Variants in RIN3 observed in about 807,000 individuals in gnomAD.
The protein encoded by RIN3 is RAB5 interacting protein 3.
In RIN3, 54 loss-of-function variants were observed where a neutral mutation model predicts 76.3. That is an observed-to-expected ratio of 0.71 (90% CI 0.57 to 0.89). The LOEUF is 0.89. Among genes scored for constraint, RIN3 ranks in the 40% least tolerant of loss-of-function variants. The pLI is 0.00. For missense variants in RIN3, 1,256 were observed against 1,322.1 expected (o/e 0.95, Z 0.78); for synonymous variants, 576 against 564.0 (o/e 1.02, Z -0.30).
intron 3 of RIN3, among the ~76,000 whole-genome samples, chr14:92,611,195 T>C (rs1053119356): frequency 1.3e-5 from 2 of 152,212 alleles, no homozygotes; most frequent in African/African-American, 4.8e-5. Flanking sequence ...ATCTTTGGCA[T>C]TCCTTGGCTG....
intron 3 of RIN3, among the ~76,000 whole-genome samples, chr14:92,597,536 G>T (rs1566860550): frequency 6.6e-6 from 1 of 152,202 alleles, no homozygotes; most frequent in Non-Finnish European, 1.5e-5. Flanking sequence ...TTACTAGCTG[G>T]TTGAACTTGG....
intron 1 of RIN3, among the ~76,000 whole-genome samples, chr14:92,550,375 C>T (rs373811002): frequency 4.1e-4 from 62 of 152,184 alleles, no homozygotes; most frequent in African/African-American, 1.3e-3. Context: ...AAGACAATTA[C>T]GTTGTTTTTA....
At position 92,568,417 on chromosome 14, in the gene RIN3, T is replaced by C. The variant is rs1363150990; in HGVS notation, c.250-8943T>C. On this transcript the variant is annotated intron_variant, in intron 2 of 9. Coordinates refer to ENST00000216487, the MANE Select transcript of RIN3 (RefSeq NM_024832.5). The surrounding 1 kb of genome is among the most constrained non-coding windows in gnomAD (Gnocchi z 4.2). ...AGATTTAAGCTGAGATAATTCACCA[T>C]AATCTAAAATGTTCTTCAGGCATCA... 2.0e-5 allele frequency among the ~76,000 whole-genome samples: 3 copies of C among 152,204 alleles called. No individual in the cohort carries two copies. Among genetic ancestry groups the C allele is most frequent in the Non-Finnish European group, 4.4e-5 (3 of 68,038 alleles).
chr14:92,568,711 G>T lies in RIN3; in HGVS notation c.250-8649G>T, dbSNP rs186126541. 1.8e-3 allele frequency among the ~76,000 whole-genome samples: 269 copies of T among 152,336 alleles called. No homozygotes were observed. The highest frequency in any genetic ancestry group is 6.3e-3 in the African/African-American group (260 of 41,570). On this transcript the variant is annotated intron_variant, in intron 2 of 9. Transcript: ENST00000216487. The surrounding 1 kb of genome is among the most constrained non-coding windows in gnomAD (Gnocchi z 4.2). ...GTCCGTCCCTGCCCCACTCTCCATCGTGAACTCACAGCCTCCAGCCTCCTC... is the reference window on the plus strand; with the variant it reads ...GTCCGTCCCTGCCCCACTCTCCATCTTGAACTCACAGCCTCCAGCCTCCTC...
chr14:92,513,885 G>C lies in RIN3; in HGVS notation c.-48G>C. On this transcript the variant is annotated 5_prime_UTR_variant, in exon 1 of 10. Coordinates refer to ENST00000216487, the MANE Select transcript of RIN3 (RefSeq NM_024832.5). ...CGCCCGGGACTCCGCGTTCCGCGCG[G>C]CCCGGCGCCTGAGCGCCTCCGTTCC... 1 of 1,244,424 alleles carries C rather than the reference G, an allele frequency of 8.0e-7. No individual in the cohort carries two copies. 77.1% of individuals were successfully genotyped at this position (1,244,424 alleles called of 1,614,324 possible).
intron 7 of RIN3, among the ~76,000 whole-genome samples, chr14:92,662,738 A>G (rs925835038): frequency 1.3e-5 from 2 of 152,176 alleles, no homozygotes; most frequent in African/African-American, 4.8e-5. Context: ...GGAAGGGGCA[A>G]TTCCATTCTC....
At chr14:92,522,890 CCTT>C in intron 1 of RIN3, among the ~76,000 whole-genome samples, 1 of 152,162 alleles carries the variant, frequency 6.6e-6, no homozygotes, top group Admixed American at 6.5e-5. Flanking sequence ...ATGGGGGTGT[CCTT>C]CTCTCCTTTC....
intron 4 of RIN3, among the ~76,000 whole-genome samples, chr14:92,633,522 A>C (rs4904964): frequency 0.37 from 56,938 of 152,036 alleles, 11,493 homozygotes; most frequent in African/African-American, 0.53. Flanking sequence ...AAGCTCTGAT[A>C]TATAGCCGGC....
intron 1 of RIN3, among the ~76,000 whole-genome samples, chr14:92,520,715 C>T (rs1013251341): frequency 2.6e-5 from 4 of 152,152 alleles, no homozygotes. Flanking sequence ...CTTCTTCACC[C>T]ATCTTCACGG....
At chr14:92,525,040 G>C (rs1226927493) in intron 1 of RIN3, among the ~76,000 whole-genome samples, 2 of 152,250 alleles carry the variant, frequency 1.3e-5, no homozygotes, top group African/African-American at 4.8e-5. Context: ...CCGTTGCGCA[G>C]GTTGTTTACT....
intron 3 of RIN3, among the ~76,000 whole-genome samples, chr14:92,600,841 G>A (rs1294473177): frequency 6.6e-6 from 1 of 152,104 alleles, no homozygotes; most frequent in East Asian, 1.9e-4. Context: ...AGTATCCCCG[G>A]GCTCTGTCCA....
At chr14:92,579,771 G>T (rs1241470420) in intron 3 of RIN3, among the ~76,000 whole-genome samples, 1 of 152,276 alleles carries the variant, frequency 6.6e-6, no homozygotes, top group African/African-American at 2.4e-5. Flanking sequence ...CTCCAAGTCT[G>T]GTTGGAGGGT....
chr14:92,630,035 C>T (rs1162793925), intron 4 of RIN3, among the ~76,000 whole-genome samples: 2 of 152,230 alleles, frequency 1.3e-5, no homozygotes, highest in Non-Finnish European at 2.9e-5. Flanking sequence ...CAGTGTTTGG[C>T]ACATGTTAGG....
At chr14:92,548,513 A>G (rs1007326448) in intron 1 of RIN3, among the ~76,000 whole-genome samples, 3 of 152,204 alleles carry the variant, frequency 2.0e-5, no homozygotes, top group African/African-American at 7.2e-5. Context: ...CCAGAAATCC[A>G]AAACCAAGGT....
At chr14:92,528,688 G>C (rs748948100) in intron 1 of RIN3, among the ~76,000 whole-genome samples, 3 of 152,224 alleles carry the variant, frequency 2.0e-5, no homozygotes, top group Non-Finnish European at 4.4e-5. Flanking sequence ...TTCCATTCAT[G>C]CAGTGTGGAG....
intron 8 of RIN3, among the ~76,000 whole-genome samples, chr14:92,679,837 G>A (rs367979606): frequency 2.0e-5 from 3 of 152,182 alleles, no homozygotes; most frequent in African/African-American, 7.2e-5. Flanking sequence ...GCAGTTTGGA[G>A]GCTGGATTTG....
At position 92,652,599 on chromosome 14, in the gene RIN3, C is replaced by A. The variant is rs758579918; in HGVS notation, c.1550C>A (p.Ala517Asp). ...GGGACTCAGCACCCTCCTGCCCAGG[C>A]CACTGCCCATTCCCAGAGCTCTCCA... ...QAGTQHPPAQ[A>D]TAHSQSSPEF... The change falls in exon 6 of 10, where the codon GCC becomes GAC. Residue 517 changes from alanine (A) to aspartate (D), a missense_variant. By Grantham distance (126) the Ala-to-Asp change is moderately radical (BLOSUM62 -2). Transcript: ENST00000216487. The surrounding 1 kb of genome is among the most constrained non-coding windows in gnomAD (Gnocchi z 6.4). The A allele has an allele frequency of 1.9e-6, 3 of 1,611,390 alleles. No homozygotes were observed. Among genetic ancestry groups the A allele is most frequent in the Non-Finnish European group, 2.5e-6 (3 of 1,179,882 alleles).
intron 2 of RIN3, among the ~76,000 whole-genome samples, chr14:92,570,805 C>T (rs760038839): frequency 1.3e-5 from 2 of 152,214 alleles, no homozygotes; most frequent in African/African-American, 2.4e-5. Flanking sequence ...TTTACTTATA[C>T]AGGCAGAGAC....
chr14:92,653,037 C>T lies in RIN3; in HGVS notation c.1988C>T (p.Ala663Val). Residue 663 changes from alanine (A) to valine (V), a missense_variant, in exon 6 of 10, where the codon GCC (alanine) becomes GTC (valine). By Grantham distance (64) the Ala-to-Val change is moderately conservative (BLOSUM62 0). This residue lies in a region of RIN3 where 428 missense variants were observed against 521.2 expected (regional missense o/e 0.82). Coordinates refer to ENST00000216487, the MANE Select transcript of RIN3 (RefSeq NM_024832.5). ...SYLLQSTELK[A>V]LVDPALHSEE... ...CTGCTGCAGAGCACCGAGCTCAAGG[C>T]CCTGGTGGACCCCGCCCTGCACTCC... 1 of 1,608,566 alleles carries T rather than the reference C, an allele frequency of 6.2e-7. No homozygotes were observed. Among genetic ancestry groups the T allele is most frequent in the South Asian group, 1.1e-5 (1 of 91,068 alleles).
Sources: allele counts gnomAD v4.1 joint callset (sites outside exome capture counted in the v4.1 genomes callset), GRCh38; gene constraint gnomAD v4.1.1; regional missense constraint gnomAD v4.1.1; non-coding constraint Gnocchi (gnomAD v3.1); transcripts MANE v1.5; gene names NCBI Gene and HGNC (gene_info 2026-07-23, HGNC 2026-07-21).